TRIM66: variants seen among roughly 807,000 people sequenced by gnomAD.
TRIM66 encodes the protein tripartite motif-containing protein 66.
A neutral mutation model predicts 148.2 loss-of-function variants in TRIM66; 99 were observed. The ratio of observed to expected loss-of-function variants is 0.67; its 90% CI spans 0.57 to 0.79. The LOEUF (loss-of-function observed/expected upper bound fraction) is 0.79. Ranked by LOEUF, TRIM66 falls within the 30% of genes least tolerant of loss-of-function variation. The probability of loss-of-function intolerance (pLI) is 0.00; values close to 1 mark genes in which losing one functional copy is unlikely to be tolerated. For missense variants in TRIM66, 1,666 were observed against 1,697.9 expected, an observed-to-expected ratio of 0.98 and a Z score of 0.33; for synonymous variants, 616 against 635.9, an observed-to-expected ratio of 0.97 and a Z score of 0.47.
intron 6 of TRIM66, among the ~76,000 whole-genome samples, chr11:8,664,000 G>T (rs1565564556): frequency 6.6e-6 from 1 of 152,178 alleles, no homozygotes; most frequent in Non-Finnish European, 1.5e-5. Flanking sequence ...TAGTTAGGGA[G>T]ATGTTGGTGA....
At chr11:8,672,937 CTTTT>C (rs35703499) in intron 4 of TRIM66, among the ~76,000 whole-genome samples, 1 of 111,812 alleles carries the variant, frequency 8.9e-6, no homozygotes, top group East Asian at 2.9e-4. Context: ...GGCCCATACT[CTTTT>C]TTTTTTTTTT....
At chr11:8,661,013 G>A (rs890330415) in intron 6 of TRIM66, among the ~76,000 whole-genome samples, 1 of 152,210 alleles carries the variant, frequency 6.6e-6, no homozygotes, top group African/African-American at 2.4e-5. Context: ...TAAACTGCAA[G>A]CAATTGGAAG....
In TRIM66 at chr11:8,616,703, T is replaced by G. The variant is rs1014414801; in HGVS notation, c.*1241A>C. Reference sequence around the variant, plus strand: ...TTGCTTCATGGTCACCAAAGGACACTGGCTTTTTGCCTCTTGATTTTTCCC... The same window carrying G: ...TTGCTTCATGGTCACCAAAGGACACGGGCTTTTTGCCTCTTGATTTTTCCC... On this transcript the variant is annotated 3_prime_UTR_variant, in exon 25 of 25. Transcript: ENST00000646038. 6.6e-6 allele frequency: 1 copy of G among 152,292 alleles called. No homozygotes were observed. The highest frequency in any genetic ancestry group is 1.5e-5 in the Non-Finnish European group (1 of 68,106). 9.4% of individuals were successfully genotyped at this position (152,292 alleles called of 1,614,324 possible).
rs373726386 is a variant in TRIM66 at position 8,645,866 on chromosome 11, G to A, written c.979C>T (p.Arg327Trp). The A allele has an allele frequency of 3.3e-4, 505 of 1,551,616 alleles. No individual in the cohort carries two copies. Among genetic ancestry groups the A allele is most frequent in the African/African-American group, 4.1e-4 (30 of 73,158 alleles). The change falls in exon 12 of 25, where the codon CGG (arginine) becomes TGG (tryptophan). Residue 327 changes from arginine to tryptophan, a missense_variant. Coordinates refer to ENST00000646038, the MANE Select transcript of TRIM66 (RefSeq NM_001388022.1). Reference sequence around the variant, plus strand: ...CTCTGTAACTGCTGTTCCAGCTTCCGCTTTCTCTCATTAGTAATCCCCTGG... The same window carrying A: ...CTCTGTAACTGCTGTTCCAGCTTCCACTTTCTCTCATTAGTAATCCCCTGG... ...ELEGITNERK[R>W]KLEQQLQSIM...
At chr11:8,651,088 A>G (rs2037315940) in intron 7 of TRIM66, among the ~76,000 whole-genome samples, 1 of 152,214 alleles carries the variant, frequency 6.6e-6, no homozygotes, top group Non-Finnish European at 1.5e-5. Flanking sequence ...AAGTTGGCCT[A>G]TCTGTGTCTG....
At chr11:8,682,872 A>G (rs1309826776), upstream of TRIM66, 1 of 1,574,818 alleles carries the variant, frequency 6.3e-7, no homozygotes, top group African/African-American at 1.4e-5. Flanking sequence ...CCTAAGCTGT[A>G]TTCCCATTGC....
intron 15 of TRIM66, among the ~76,000 whole-genome samples, chr11:8,628,223 G>A (rs1169279117): frequency 6.6e-6 from 1 of 152,064 alleles, no homozygotes; most frequent in African/African-American, 2.4e-5. Context: ...AATAGAAGTA[G>A]TGATAGTAGC....
chr11:8,637,537 C>A (rs150620541), intron 15 of TRIM66, among the ~76,000 whole-genome samples: 18 of 152,246 alleles, frequency 1.2e-4, no homozygotes, highest in African/African-American at 4.3e-4. Context: ...AATTTCCAAG[C>A]TGACATTTCA....
intron 13 of TRIM66, among the ~76,000 whole-genome samples, chr11:8,641,805 G>C (rs1201368196): frequency 6.6e-6 from 1 of 152,056 alleles, no homozygotes; most frequent in African/African-American, 2.4e-5. Flanking sequence ...TTGTGATAGA[G>C]GTCTCGTGAG....
intron 8 of TRIM66, 111 bp from the exon 9 acceptor site, chr11:8,648,659 G>A (rs139100548): frequency 3.1e-6 from 4 of 1,306,700 alleles, no homozygotes; most frequent in African/African-American, 3.0e-5. Flanking sequence ...GAAATACAGA[G>A]CTCGGGGGAA....
chr11:8,622,266 A>T (rs1300935192), intron 18 of TRIM66, among the ~76,000 whole-genome samples: 1 of 147,858 alleles, frequency 6.8e-6, no homozygotes, highest in African/African-American at 2.5e-5. Flanking sequence ...GTAAATTAAT[A>T]CTTAATAAAC....
At chr11:8,660,778 C>T (rs1223349733) in intron 6 of TRIM66, among the ~76,000 whole-genome samples, 1 of 152,200 alleles carries the variant, frequency 6.6e-6, no homozygotes, top group East Asian at 1.9e-4. Context: ...AACTGGGTCA[C>T]ATCTGAGCTG....
At chr11:8,682,798 C>G, upstream of TRIM66, 1 of 1,613,426 alleles carries the variant, frequency 6.2e-7, no homozygotes, top group Non-Finnish European at 8.5e-7. Context: ...CTTCCTTTTT[C>G]GTCTGGGCTG....
At position 8,632,820 on chromosome 11, in the gene TRIM66, T is replaced by C. The variant is rs185922746; in HGVS notation, c.2310+5834A>G. 3.3e-5 allele frequency among the ~76,000 whole-genome samples: 5 copies of C among 152,286 alleles called. No homozygotes were observed. The East Asian group carries it at 9.6e-4, about 29-fold the overall frequency. On this transcript the variant is annotated intron_variant, in intron 15 of 24. Transcript: ENST00000646038. ...CTTATTGACAATGAGTGTTCCTCCA[T>C]CTCAAGAGAAAGCTCTTGTACTTAT...
Position 8,620,106 on chromosome 11 carries a change from A to T in TRIM66, c.3691T>A (p.Leu1231Met). The T allele has an allele frequency of 6.4e-7, 1 of 1,551,762 alleles. No individual in the cohort carries two copies. Among genetic ancestry groups the T allele is most frequent in the Non-Finnish European group, 8.7e-7 (1 of 1,146,988 alleles). ...CTGAGGTTATTGCAGCACAAGGACA[A>T]TACCAGCTTCTCACACTTCTGCAAA... The part of the protein sequence containing the change: ...YDQKKCEKLV[L>M]SLCCNNLSLP... The change falls in exon 22 of 25, where the codon TTG (leucine) becomes ATG (methionine). Residue 1231 changes from leucine (L) to methionine (M), a missense_variant. Coordinates refer to ENST00000646038, the MANE Select transcript of TRIM66 (RefSeq NM_001388022.1).
Position 8,617,677 on chromosome 11 carries a change from T to C in TRIM66, c.*267A>G. The C allele has an allele frequency of 2.3e-6, 1 of 441,082 alleles. No individual in the cohort carries two copies. Among genetic ancestry groups the C allele is most frequent in the Non-Finnish European group, 4.0e-6 (1 of 250,026 alleles). The allele number at this position is 441,082 out of a possible 1,614,324, so 27.3% of individuals were successfully genotyped here. ...TTTTCCCGAGCCTAACCAGGTGTGG[T>C]CTTGTCAAGTGGAGCCTATACATCT... On this transcript the variant is annotated 3_prime_UTR_variant, in exon 25 of 25. Coordinates refer to ENST00000646038, the MANE Select transcript of TRIM66 (RefSeq NM_001388022.1).
chr11:8,618,986 C>T lies in TRIM66; in HGVS notation c.3901-18G>A. 6.5e-7 allele frequency: 1 copy of T among 1,547,116 alleles called. No homozygotes were observed. Among genetic ancestry groups the T allele is most frequent in the Non-Finnish European group, 8.7e-7 (1 of 1,143,288 alleles). On this transcript the variant is annotated intron_variant, in intron 23 of 24. Coordinates refer to ENST00000646038, the MANE Select transcript of TRIM66 (RefSeq NM_001388022.1). The stretch of plus-strand genomic sequence containing the variant: ...GAGTCAGGCTGATGGGGGAGGAGAG[C>T]AGTGATGGTCTAGCCTGTTTCTACC...
intron 10 of TRIM66, among the ~76,000 whole-genome samples, chr11:8,647,537 C>T (rs190770579): frequency 1.6e-3 from 249 of 152,304 alleles, no homozygotes; most frequent in African/African-American, 5.7e-3. Flanking sequence ...CTTCCTCTTC[C>T]TATGTAAAAT....
chr11:8,672,224 C>T (rs919345310), intron 5 of TRIM66, 24 bp downstream of exon 5: 20 of 1,536,034 alleles, frequency 1.3e-5, no homozygotes, highest in Non-Finnish European at 1.7e-5. Context: ...GCTGGAGGCT[C>T]ATGCCTCAGC....
Sources: gnomAD v4.1 joint callset for allele counts (sites outside exome capture counted in the v4.1 genomes callset) on GRCh38, gnomAD v4.1.1 for gene constraint, MANE v1.5 for transcripts, NCBI Gene and HGNC (gene_info 2026-07-23, HGNC 2026-07-21) for gene names.